CLIC6: variants seen among roughly 807,000 people sequenced by gnomAD.
CLIC6 encodes the protein chloride intracellular channel protein 6.
In CLIC6, 39 loss-of-function variants were observed where a neutral mutation model predicts 49.2. That is an observed-to-expected ratio of 0.79 (90% CI 0.61 to 1.04). CLIC6 has a LOEUF of 1.04. Ranked by LOEUF, CLIC6 falls within the 50% of genes least tolerant of loss-of-function variation. The pLI is 0.00. For synonymous variants in CLIC6, 446 were observed against 433.4 expected (o/e 1.03, Z -0.36); for missense variants, 988 against 993.1 (o/e 0.99, Z 0.07).
At chr21:34,705,729 C>T (rs1258106413) in intron 1 of CLIC6, among the ~76,000 whole-genome samples, 1 of 152,178 alleles carries the variant, frequency 6.6e-6, no homozygotes, top group African/African-American at 2.4e-5. Context: ...CTGTATTTAT[C>T]ACCTGGAAAG....
Position 34,716,414 on chromosome 21 carries a change from A to G in CLIC6, c.1993A>G (p.Thr665Ala), listed in dbSNP as rs2056085634. The G allele has an allele frequency of 2.5e-6, 4 of 1,614,042 alleles. No individual in the cohort carries two copies. The highest frequency in any genetic ancestry group is 3.4e-6 in the Non-Finnish European group (4 of 1,179,892). ...LNNAYARDEF[T>A]NTCPADQEIE... is the part of the protein sequence containing the mutation. ...TAATGCTTATGCTAGAGATGAGTTC[A>G]CAAATACGTGTCCAGCTGATCAAGA... Residue 665 changes from threonine to alanine, a missense_variant, in exon 6 of 6, where the codon ACA (threonine) becomes GCA (alanine). Physicochemically the swap from Thr to Ala is moderately conservative, Grantham distance 58. Transcript: ENST00000349499.
chr21:34,696,109 C>A (rs1990082733), intron 1 of CLIC6, among the ~76,000 whole-genome samples: 1 of 152,168 alleles, frequency 6.6e-6, no homozygotes, highest in African/African-American at 2.4e-5. Context: ...CAACATCAAA[C>A]CCATTGTCAT....
chr21:34,696,233 A>C (rs975440793), intron 1 of CLIC6, among the ~76,000 whole-genome samples: 4 of 152,142 alleles, frequency 2.6e-5, no homozygotes, highest in African/African-American at 9.7e-5. Context: ...GGGCTGCCGA[A>C]TGTTTTCTCT....
chr21:34,685,846 A>G (rs554119645), intron 1 of CLIC6, among the ~76,000 whole-genome samples: 3 of 152,352 alleles, frequency 2.0e-5, no homozygotes, highest in African/African-American at 7.2e-5. Flanking sequence ...AGTCCTGCAC[A>G]TATGTAGCTC....
At chr21:34,714,637 G>A (rs568240391) in intron 5 of CLIC6, among the ~76,000 whole-genome samples, 3 of 149,878 alleles carry the variant, frequency 2.0e-5, no homozygotes, top group East Asian at 2.0e-4. Flanking sequence ...GCAGTGAGCC[G>A]AGATCCTCCA....
Position 34,716,472 on chromosome 21 carries a change from GA to G in CLIC6, c.2053del (p.Met685Ter). 1 of 1,609,370 alleles carries G rather than the reference GA, an allele frequency of 6.2e-7. No homozygotes were observed. Reference protein sequence around the residue: ...IEHAYSDVAKRMK With the variant: ...IEHAYSDVAKXMK Reference sequence around the variant, plus strand: ...CACGCATATTCAGATGTTGCAAAAAGAATGAAATGAAGCTGGGCTGTTTTCT... The same window carrying G: ...CACGCATATTCAGATGTTGCAAAAAGATGAAATGAAGCTGGGCTGTTTTCT... On this transcript the variant is annotated frameshift_variant, in exon 6 of 6. Coordinates refer to ENST00000349499, the MANE Select transcript of CLIC6 (RefSeq NM_053277.3). LOFTEE classifies it high-confidence loss of function.
rs140521284 is a variant in CLIC6 at position 34,686,815 on chromosome 21, A to T, written c.1374+16053A>T. Among the ~76,000 whole-genome samples the T allele has an allele frequency of 2.0e-3, 305 of 151,522 alleles. 1 individual carries two copies. Among genetic ancestry groups the T allele is most frequent in the African/African-American group, 7.1e-3 (293 of 41,322 alleles). Reference sequence around the variant, plus strand: ...AGCCCATCCGCAAGACACTGGGCACATGTGTGAAGCTGTCTTGGCCCCCTC... The same window carrying T: ...AGCCCATCCGCAAGACACTGGGCACTTGTGTGAAGCTGTCTTGGCCCCCTC... On this transcript the variant is annotated intron_variant, in intron 1 of 5. Transcript: ENST00000349499.
chr21:34,706,068 G>C, intron 1 of CLIC6: 1 of 687,234 alleles, frequency 1.5e-6, no homozygotes, highest in Non-Finnish European at 2.6e-6. Flanking sequence ...TTGCTATAAA[G>C]AAATACCTGA....
chr21:34,669,416 G>C lies in CLIC6; in HGVS notation c.28G>C (p.Val10Leu). 1.6e-6 allele frequency: 2 copies of C among 1,236,012 alleles called. No homozygotes were observed. The highest frequency in any genetic ancestry group is 3.1e-5 in the East Asian group (1 of 31,774). The allele number at this position is 1,236,012 out of a possible 1,614,324, so 76.6% of individuals were successfully genotyped here. Reference sequence around the variant, plus strand: ...GGCCGAGGCCGCGGAGCCGGAGGGGGTTGCCCCGGGTCCCCAGGGGCCGCC... The same window carrying C: ...GGCCGAGGCCGCGGAGCCGGAGGGGCTTGCCCCGGGTCCCCAGGGGCCGCC... MAEAAEPEG[V>L]APGPQGPPEV... is the part of the protein sequence containing the mutation. Residue 10 changes from valine (V) to leucine (L), a missense_variant, in exon 1 of 6, where the codon GTT (valine) becomes CTT (leucine). Transcript: ENST00000349499.
rs1989528450 is a variant in CLIC6, at chr21:34,670,323, A to AGGTCGCAGCCGGGGAGAGTGCG, written c.938_959dup (p.Pro323ArgfsTer10). 6.9e-7 allele frequency: 1 copy of AGGTCGCAGCCGGGGAGAGTGCG among 1,445,326 alleles called. No individual in the cohort carries two copies. The highest frequency in any genetic ancestry group is 1.5e-5 in the South Asian group (1 of 68,438). 89.5% of individuals were successfully genotyped at this position (1,445,326 alleles called of 1,614,324 possible). ...CTCTCGCCCCAGGCCGAGGCAATTG[A>AGGTCGCAGCCGGGGAGAGTGCG]GGTCGCAGCCGGGGAGAGTGCGGGG... On this transcript the variant is annotated frameshift_variant, in exon 1 of 6. Transcript: ENST00000349499. LOFTEE classifies it high-confidence loss of function.
rs1337152769 is a variant in CLIC6, at chr21:34,717,220, T to G, written c.*738T>G. 6.6e-6 allele frequency: 1 copy of G among 152,156 alleles called. No individual in the cohort carries two copies. The highest frequency in any genetic ancestry group is 1.5e-5 in the Non-Finnish European group (1 of 68,056). The allele number at this position is 152,156 out of a possible 1,614,324, so 9.4% of individuals were successfully genotyped here. On this transcript the variant is annotated 3_prime_UTR_variant, in exon 6 of 6. Coordinates refer to ENST00000349499, the MANE Select transcript of CLIC6 (RefSeq NM_053277.3). The stretch of plus-strand genomic sequence containing the variant: ...CTTATCCGTGTCTCTGGTTCCAGCT[T>G]CCTGTCTTTGCTCCCTCCCCTCTCT...
intron 1 of CLIC6, among the ~76,000 whole-genome samples, chr21:34,684,407 C>T (rs977979315): frequency 6.6e-6 from 1 of 152,204 alleles, no homozygotes; most frequent in Non-Finnish European, 1.5e-5. Context: ...ACCATGAGGC[C>T]TGGCCCCCTG....
At chr21:34,679,216 G>A (rs922977249) in intron 1 of CLIC6, among the ~76,000 whole-genome samples, 1 of 152,326 alleles carries the variant, frequency 6.6e-6, no homozygotes, top group Admixed American at 6.5e-5. Flanking sequence ...GGCAGAAGGG[G>A]AAGCAAACAC....
intron 1 of CLIC6, among the ~76,000 whole-genome samples, chr21:34,682,744 C>G (rs938764014): frequency 6.7e-6 from 1 of 149,280 alleles, no homozygotes; most frequent in African/African-American, 2.5e-5. Flanking sequence ...ACTTTATACT[C>G]TATAACCTCT....
At chr21:34,704,703 G>C (rs112892552) in intron 1 of CLIC6, among the ~76,000 whole-genome samples, 2 of 152,210 alleles carry the variant, frequency 1.3e-5, no homozygotes, top group Non-Finnish European at 2.9e-5. Context: ...TGAGTTGGCT[G>C]ACTAAGGCAG....
intron 1 of CLIC6, among the ~76,000 whole-genome samples, chr21:34,705,862 A>G (rs2056010825): frequency 6.6e-6 from 1 of 152,208 alleles, no homozygotes; most frequent in African/African-American, 2.4e-5. Flanking sequence ...AGATTGGACT[A>G]AGGCTGAACT....
Position 34,708,055 on chromosome 21 carries a change from A to G in CLIC6, c.1596A>G (p.Lys532=). The change falls in exon 3 of 6, where the codon AAA becomes AAG. Residue 532 remains lysine, a synonymous_variant. Transcript: ENST00000349499. The stretch of plus-strand genomic sequence containing the variant: ...AGATCGAGGAGTTCTTAGAGGAGAA[A>G]TTAGCTCCCCCGAGGTAGGCCTCAG... ...VNKIEEFLEE[K]LAPPRYPKLG... is the part of the protein sequence containing the mutation. 6.2e-7 allele frequency: 1 copy of G among 1,614,144 alleles called. No homozygotes were observed.
intron 5 of CLIC6, among the ~76,000 whole-genome samples, chr21:34,714,712 T>C (rs2056076834): frequency 6.7e-6 from 1 of 149,256 alleles, no homozygotes; most frequent in Non-Finnish European, 1.5e-5. Context: ...AAAAAAAAAC[T>C]TGATAAATCA....
intron 1 of CLIC6, among the ~76,000 whole-genome samples, chr21:34,696,111 C>T (rs1050952987): frequency 6.6e-6 from 1 of 152,158 alleles, no homozygotes; most frequent in Non-Finnish European, 1.5e-5. Flanking sequence ...ACATCAAACC[C>T]ATTGTCATCT....
Sources: allele counts gnomAD v4.1 joint callset (sites outside exome capture counted in the v4.1 genomes callset), GRCh38; gene constraint gnomAD v4.1.1; transcripts MANE v1.5; gene names NCBI Gene and HGNC (gene_info 2026-07-23, HGNC 2026-07-21).